Variants in STK32B observed in about 807,000 individuals in gnomAD.
STK32B encodes the protein serine/threonine-protein kinase 32B.
A neutral mutation model predicts 52.6 loss-of-function variants in STK32B; 43 were observed. The observed-to-expected ratio is 0.82, with a 90% CI of 0.64 to 1.05. The LOEUF (loss-of-function observed/expected upper bound fraction) is 1.05. Ranked by LOEUF, STK32B falls within the 50% of genes least tolerant of loss-of-function variation. The pLI is 0.00. For synonymous variants in STK32B, 238 were observed against 204.3 expected (o/e 1.17, Z -1.41); for missense variants, 621 against 534.6 (o/e 1.16, Z -1.59).
chr4:5,454,626 GC>G (rs1716338535), intron 7 of STK32B, among the ~76,000 whole-genome samples: 1 of 152,130 alleles, frequency 6.6e-6, no homozygotes, highest in South Asian at 2.1e-4. Flanking sequence ...CCCTGTAGCA[GC>G]AGTGGTCAGA....
intron 11 of STK32B, among the ~76,000 whole-genome samples, chr4:5,483,098 T>C (rs1401036551): frequency 6.6e-6 from 1 of 152,040 alleles, no homozygotes; most frequent in Non-Finnish European, 1.5e-5. Flanking sequence ...GATGCTGGAC[T>C]CATAAAATGA....
chr4:5,264,891 T>A (rs1234211841), intron 3 of STK32B, among the ~76,000 whole-genome samples: 1 of 152,206 alleles, frequency 6.6e-6, no homozygotes, highest in Non-Finnish European at 1.5e-5. Flanking sequence ...AACATATGGC[T>A]TGCTTTTTAT....
intron 7 of STK32B, among the ~76,000 whole-genome samples, chr4:5,448,369 A>T (rs1480160684): frequency 6.6e-6 from 1 of 152,198 alleles, no homozygotes; most frequent in African/African-American, 2.4e-5. Flanking sequence ...TTTGATATAT[A>T]TACTCAGAGG....
At chr4:5,104,183 A>G (rs1445316234) in intron 1 of STK32B, among the ~76,000 whole-genome samples, 1 of 152,176 alleles carries the variant, frequency 6.6e-6, no homozygotes, top group Non-Finnish European at 1.5e-5. Context: ...GAGATAATTG[A>G]ATCGTGGGGG....
intron 3 of STK32B, among the ~76,000 whole-genome samples, chr4:5,235,634 A>G (rs1473891002): frequency 1.3e-5 from 2 of 151,890 alleles, no homozygotes; most frequent in East Asian, 1.9e-4. Flanking sequence ...AATAAATCCA[A>G]GTTACACCAT....
chr4:5,267,170 T>C (rs575459596), intron 3 of STK32B, among the ~76,000 whole-genome samples: 1 of 152,262 alleles, frequency 6.6e-6, no homozygotes, highest in Admixed American at 6.5e-5. Flanking sequence ...TTGTTGAAAC[T>C]GTGAGTGAGG....
intron 6 of STK32B, among the ~76,000 whole-genome samples, chr4:5,445,839 C>T (rs1407514772): frequency 6.6e-6 from 1 of 151,876 alleles, no homozygotes; most frequent in Non-Finnish European, 1.5e-5. Flanking sequence ...TCCCCACCCA[C>T]AGCCCCTAGC....
At chr4:5,426,790 T>C (rs1016514474) in intron 6 of STK32B, 10 of 151,604 alleles carry the variant, frequency 6.6e-5, no homozygotes, top group African/African-American at 2.2e-4. Flanking sequence ...ATAGAATTCC[T>C]TTATCAGATA....
At chr4:5,105,198 A>C (rs1714035186) in intron 1 of STK32B, among the ~76,000 whole-genome samples, 1 of 152,134 alleles carries the variant, frequency 6.6e-6, no homozygotes, top group Admixed American at 6.5e-5. Flanking sequence ...GGCTGGGTGC[A>C]GTGGCTCATG....
At chr4:5,286,187 A>G (rs1305626327) in intron 3 of STK32B, among the ~76,000 whole-genome samples, 1 of 152,218 alleles carries the variant, frequency 6.6e-6, no homozygotes, top group African/African-American at 2.4e-5. Context: ...TGGCAGTTCT[A>G]GCAAACTAAT....
chr4:5,435,180 T>G (rs1713947551), intron 6 of STK32B, among the ~76,000 whole-genome samples: 1 of 152,244 alleles, frequency 6.6e-6, no homozygotes, highest in African/African-American at 2.4e-5. Flanking sequence ...GCCATTCCCC[T>G]TACCAAAACA....
At chr4:5,315,924 C>T (rs531477108) in intron 3 of STK32B, among the ~76,000 whole-genome samples, 13 of 150,662 alleles carry the variant, frequency 8.6e-5, no homozygotes, top group South Asian at 6.3e-4. Flanking sequence ...AAGCTGATCT[C>T]GAACTCCTGA....
the STK32B span, among the ~76,000 whole-genome samples, chr4:5,030,531 G>A: frequency 5.3e-5 from 8 of 152,184 alleles, no homozygotes; most frequent in African/African-American, 7.2e-5. Flanking sequence ...AGTGTGAGCC[G>A]GGTGTCTGGT....
intron 3 of STK32B, among the ~76,000 whole-genome samples, chr4:5,306,588 C>A (rs996132515): frequency 2.0e-5 from 3 of 152,122 alleles, no homozygotes; most frequent in Admixed American, 2.0e-4. Context: ...GAGTTCTTAT[C>A]TATTCTGCCA....
chr4:5,496,246 A>C (rs1291034808), intron 11 of STK32B, among the ~76,000 whole-genome samples: 1 of 152,196 alleles, frequency 6.6e-6, no homozygotes, highest in Non-Finnish European at 1.5e-5. Context: ...TCCAGCTTCC[A>C]GGCCACTTTG....
chr4:5,221,404 T>G (rs1384313926), intron 3 of STK32B, among the ~76,000 whole-genome samples: 1 of 152,154 alleles, frequency 6.6e-6, no homozygotes, highest in Non-Finnish European at 1.5e-5. Context: ...AGGGAAGAGA[T>G]GGACTCCTAG....
At chr4:5,203,661 C>G (rs371159146) in intron 3 of STK32B, among the ~76,000 whole-genome samples, 85 of 152,336 alleles carry the variant, frequency 5.6e-4, no homozygotes, top group African/African-American at 2.0e-3. Context: ...GCGCACAGTA[C>G]TCAATCATTA....
chr4:5,328,548 A>G (rs965985038), intron 3 of STK32B, among the ~76,000 whole-genome samples: 1 of 152,162 alleles, frequency 6.6e-6, no homozygotes, highest in African/African-American at 2.4e-5. Flanking sequence ...AACACATCCA[A>G]CCTTTATCCA....
rs1439231320 is a variant in STK32B at position 5,396,994 on chromosome 4, G to T, written c.435-1213G>T. Among the ~76,000 whole-genome samples, 3 of 152,058 alleles carry T rather than the reference G, an allele frequency of 2.0e-5. No individual in the cohort carries two copies. Among genetic ancestry groups the T allele is most frequent in the African/African-American group, 7.2e-5 (3 of 41,386 alleles). The stretch of plus-strand genomic sequence containing the variant: ...GGGGCCCACGTACTCAATGCTCCTC[G>T]GTACTCATGGGTTTGAAAAGTCACA... On this transcript the variant is annotated intron_variant, in intron 4 of 11. Transcript: ENST00000282908. The surrounding 1 kb of genome is among the most constrained non-coding windows in gnomAD (Gnocchi z 4.7).
Sources: gnomAD v4.1 joint callset for allele counts (sites outside exome capture counted in the v4.1 genomes callset) on GRCh38, gnomAD v4.1.1 for gene constraint, Gnocchi (gnomAD v3.1) non-coding constraint, MANE v1.5 for transcripts, NCBI Gene and HGNC (gene_info 2026-07-23, HGNC 2026-07-21) for gene names.